TRIP6: variants seen among roughly 807,000 people sequenced by gnomAD.
The protein encoded by TRIP6 is thyroid hormone receptor interactor 6.
A neutral mutation model predicts 51.9 loss-of-function variants in TRIP6; 33 were observed. The observed-to-expected ratio is 0.64, with a 90% CI of 0.48 to 0.85. TRIP6 has a LOEUF of 0.85. Among genes scored for constraint, TRIP6 ranks in the 40% least tolerant of loss-of-function variants. The pLI, the probability that TRIP6 is intolerant of heterozygous loss-of-function variation, is 0.00. For missense variants in TRIP6, 661 were observed against 652.1 expected, an observed-to-expected ratio of 1.01 and a Z score of -0.15; for synonymous variants, 255 against 275.8, an observed-to-expected ratio of 0.92 and a Z score of 0.75.
Position 100,872,535 on chromosome 7 carries a change from C to T in TRIP6, c.1179-89C>T, listed in dbSNP as rs531722008. On this transcript the variant is annotated intron_variant, in intron 7 of 8. Coordinates refer to ENST00000200457, the MANE Select transcript of TRIP6 (RefSeq NM_003302.3). The stretch of plus-strand genomic sequence containing the variant: ...GGCCATACCTCTGGCCTCTCTGATT[C>T]CCTCCTGTGCCCCACCTTCTCTGGG... The T allele has an allele frequency of 1.6e-4, 258 of 1,567,790 alleles. No individual in the cohort carries two copies. The African/African-American group carries it at 3.1e-3, about 19-fold the overall frequency.
In TRIP6 at chr7:100,870,746, G is replaced by A. The variant is rs367843229; in HGVS notation, c.999+3G>A. ...CATATTGCGAGGGCTGCTACGTGGTGAGTGGCTGGGGCTGGGAGGAGGGAG... is the reference window on the plus strand; with the variant it reads ...CATATTGCGAGGGCTGCTACGTGGTAAGTGGCTGGGGCTGGGAGGAGGGAG... On this transcript the variant is annotated splice_donor_region_variant and intron_variant, in intron 6 of 8. Transcript: ENST00000200457. The A allele has an allele frequency of 5.6e-6, 9 of 1,609,124 alleles. No individual in the cohort carries two copies. The African/African-American group carries it at 1.2e-4, about 21-fold the overall frequency.
intron 4 of TRIP6, among the ~76,000 whole-genome samples, chr7:100,870,063 T>C (rs1265054805): frequency 6.6e-6 from 1 of 152,158 alleles, no homozygotes. Context: ...TGGGAGACAG[T>C]GACAGATCAT....
In TRIP6 at chr7:100,867,467, G is replaced by T; in HGVS notation, c.-31G>T. On this transcript the variant is annotated 5_prime_UTR_variant, in exon 1 of 9. Coordinates refer to ENST00000200457, the MANE Select transcript of TRIP6 (RefSeq NM_003302.3). The surrounding 1 kb of genome is among the most constrained non-coding windows in gnomAD (Gnocchi z 5.4). Reference sequence around the variant, plus strand: ...GAAGGCCAGAGGCTCGGGGCTTCAAGACCGCTGTCTGGAGTCCCCCTTTCC... The same window carrying T: ...GAAGGCCAGAGGCTCGGGGCTTCAATACCGCTGTCTGGAGTCCCCCTTTCC... 7.1e-7 allele frequency: 1 copy of T among 1,410,120 alleles called. No individual in the cohort carries two copies. Among genetic ancestry groups the T allele is most frequent in the South Asian group, 1.5e-5 (1 of 68,024 alleles). The allele number at this position is 1,410,120 out of a possible 1,614,324, so 87.4% of individuals were successfully genotyped here.
At position 100,868,128 on chromosome 7, in the gene TRIP6, G is replaced by C. The variant is rs1815184858; in HGVS notation, c.258G>C (p.Gly86=). ...QHTQGLPADR[G]GLRPGSLDAE... ...CTCAGGGGCTCCCTGCAGACAGGGG[G>C]GGCCTTCGCCCTGGAAGCCTGGACG... Residue 86 remains glycine (G), a synonymous_variant, in exon 3 of 9, where the codon GGG becomes GGC. Coordinates refer to ENST00000200457, the MANE Select transcript of TRIP6 (RefSeq NM_003302.3). 1.9e-6 allele frequency: 3 copies of C among 1,612,416 alleles called. No homozygotes were observed. Among genetic ancestry groups the C allele is most frequent in the Non-Finnish European group, 2.5e-6 (3 of 1,179,544 alleles).
In TRIP6 at chr7:100,868,211, C is replaced by A. The variant is rs371631775; in HGVS notation, c.341C>A (p.Ala114Glu). The A allele has an allele frequency of 6.2e-7, 1 of 1,608,296 alleles. No homozygotes were observed. The highest frequency in any genetic ancestry group is 8.5e-7 in the Non-Finnish European group (1 of 1,177,220). ...GAGCTGAATGGGGGTCGGGGTCATGCGTCACGGCGACCAGACCGACAGGTG... is the reference window on the plus strand; with the variant it reads ...GAGCTGAATGGGGGTCGGGGTCATGAGTCACGGCGACCAGACCGACAGGTG... ...LAELNGGRGH[A>E]SRRPDRQAYE... is the part of the protein sequence containing the mutation. The change falls in exon 3 of 9, where the codon GCG (alanine) becomes GAG (glutamate). Residue 114 changes from alanine (A) to glutamate (E), a missense_variant. Ala to Glu is a moderately radical substitution (Grantham distance 107). Coordinates refer to ENST00000200457, the MANE Select transcript of TRIP6 (RefSeq NM_003302.3).
rs376089873 is a variant in TRIP6 at position 100,871,720 on chromosome 7, A to G, written c.1177A>G (p.Arg393Gly). 1.4e-5 allele frequency: 22 copies of G among 1,613,232 alleles called. No individual in the cohort carries two copies. Among genetic ancestry groups the G allele is most frequent in the Non-Finnish European group, 1.7e-5 (20 of 1,179,646 alleles). The change falls in exon 7 of 9, where the codon AGG becomes GGG. Residue 393 changes from arginine to glycine, a missense_variant and splice_region_variant. Transcript: ENST00000200457. The stretch of plus-strand genomic sequence containing the variant: ...GATCCACTGCATTGAGGACTTTCAC[A>G]GGTCAGGCCTGGCCTCCACCTTGTC... ...SQIHCIEDFH[R>G]KFAPRCSVCG... is the part of the protein sequence containing the mutation.
intron 8 of TRIP6, 31 bp from the exon 9 acceptor site, chr7:100,873,141 G>T (rs567439695): frequency 6.3e-7 from 1 of 1,597,888 alleles, no homozygotes. Flanking sequence ...GAGCCATCGC[G>T]CCCGGCCAAT....
In TRIP6 at chr7:100,872,716, G is replaced by A. The variant is rs754599694; in HGVS notation, c.1271G>A (p.Ser424Asn). The change falls in exon 8 of 9, where the codon AGT becomes AAT. Residue 424 changes from serine (S) to asparagine (N), a missense_variant. Coordinates refer to ENST00000200457, the MANE Select transcript of TRIP6 (RefSeq NM_003302.3). ...GTGAGAATTGTTGCTCTGGATCGAA[G>A]TTTTCACATTGGCTGTTACAAGTGC... ...ETVRIVALDR[S>N]FHIGCYKCEE... 2.5e-6 allele frequency: 4 copies of A among 1,614,170 alleles called. No individual in the cohort carries two copies. In the South Asian group the frequency reaches 4.4e-5, roughly 18 times the overall value.
rs779826516 is a variant in TRIP6, at chr7:100,868,525, C to T, written c.394C>T (p.Arg132Cys). ...AYEPPPPPAY[R>C]TGSLKPNPAS... ...TGAGCCCCCGCCACCTCCTGCCTAC[C>T]GCACGGGCTCCCTGAAGCCAAATCC... The change falls in exon 4 of 9, where the codon CGC (arginine) becomes TGC (cysteine). Residue 132 changes from arginine to cysteine, a missense_variant. Coordinates refer to ENST00000200457, the MANE Select transcript of TRIP6 (RefSeq NM_003302.3). 72 of 1,612,966 alleles carry T rather than the reference C, an allele frequency of 4.5e-5. 1 individual carries two copies. The highest frequency in any genetic ancestry group is 1.9e-4 in the South Asian group (17 of 91,086).
Position 100,873,451 on chromosome 7 carries a change from A to G in TRIP6, c.*148A>G, listed in dbSNP as rs1815325620. The G allele has an allele frequency of 1.1e-5, 13 of 1,225,748 alleles. No homozygotes were observed. The South Asian group carries it at 2.0e-4, about 19-fold the overall frequency. 75.9% of individuals were successfully genotyped at this position (1,225,748 alleles called of 1,614,324 possible). On this transcript the variant is annotated 3_prime_UTR_variant, in exon 9 of 9. Transcript: ENST00000200457. The stretch of plus-strand genomic sequence containing the variant: ...AAATAATAATCCCTCGAGTTTACAA[A>G]ACACTTCCAAGTCTGTTGTCTCATC...
Position 100,867,695 on chromosome 7 carries a change from C to G in TRIP6, c.109+89C>G. The G allele has an allele frequency of 6.5e-7, 1 of 1,544,164 alleles. No homozygotes were observed. The highest frequency in any genetic ancestry group is 1.9e-5 in the Admixed American group (1 of 51,808). On this transcript the variant is annotated intron_variant, in intron 1 of 8. Coordinates refer to ENST00000200457, the MANE Select transcript of TRIP6 (RefSeq NM_003302.3). The surrounding 1 kb of genome is among the most constrained non-coding windows in gnomAD (Gnocchi z 5.4). ...TCCAGCCTCCCGCCCTGGCTGCTTCCTCCTGCCCCTTCCCCAAGCCGAGGC... is the reference window on the plus strand; with the variant it reads ...TCCAGCCTCCCGCCCTGGCTGCTTCGTCCTGCCCCTTCCCCAAGCCGAGGC...
At chr7:100,872,181 G>GTTTTTTTTTTGT (rs1815288749) in intron 7 of TRIP6, among the ~76,000 whole-genome samples, 1 of 95,592 alleles carries the variant, frequency 1.0e-5, no homozygotes, top group Admixed American at 1.5e-4. Flanking sequence ...CGCCTGGCTA[G>GTTTTTTTTTTGT]TTTTTTTTTT....
At position 100,873,191 on chromosome 7, in the gene TRIP6, CCT is replaced by C; in HGVS notation, c.1322_1323del (p.Ser441Ter). The C allele has an allele frequency of 6.2e-7, 1 of 1,613,166 alleles. No individual in the cohort carries two copies. Among genetic ancestry groups the C allele is most frequent in the Non-Finnish European group, 8.5e-7 (1 of 1,179,558 alleles). On this transcript the variant is annotated frameshift_variant, in exon 9 of 9. Coordinates refer to ENST00000200457, the MANE Select transcript of TRIP6 (RefSeq NM_003302.3). LOFTEE classifies it high-confidence loss of function. ...CAACAGGAGTGTGGGCTGCTGCTCT[CCT>C]CTGAGGGCGAGTGTCAGGGCTGCTA... is the stretch of plus-strand genomic sequence containing the variant.
rs1305494071 is a variant in TRIP6 at position 100,871,708 on chromosome 7, G to A, written c.1165G>A (p.Glu389Lys). The A allele has an allele frequency of 1.2e-6, 2 of 1,613,934 alleles. No individual in the cohort carries two copies. The highest frequency in any genetic ancestry group is 2.2e-5 in the South Asian group (2 of 91,086). ...VDATSQIHCI[E>K]DFHRKFAPRC... is the part of the protein sequence containing the mutation. ...TGCTACGAGCCAGATCCACTGCATT[G>A]AGGACTTTCACAGGTCAGGCCTGGC... Residue 389 changes from glutamate (E) to lysine (K), a missense_variant, in exon 7 of 9, where the codon GAG (glutamate) becomes AAG (lysine). By Grantham distance (56) the Glu-to-Lys change is moderately conservative (BLOSUM62 1). Transcript: ENST00000200457.
rs73396640 is a variant in TRIP6, at chr7:100,873,372, C to T, written c.*69C>T. On this transcript the variant is annotated 3_prime_UTR_variant, in exon 9 of 9. Coordinates refer to ENST00000200457, the MANE Select transcript of TRIP6 (RefSeq NM_003302.3). Reference sequence around the variant, plus strand: ...TCCTTTGATTGATCACTCTCCCTGACATCCACCTGTATGACTTTGTCACCA... The same window carrying T: ...TCCTTTGATTGATCACTCTCCCTGATATCCACCTGTATGACTTTGTCACCA... 9.0e-4 allele frequency: 1,389 copies of T among 1,536,394 alleles called. 13 individuals are homozygous for T. In the African/African-American group the frequency reaches 0.017, roughly 19 times the overall value.
rs751195544 is a variant in TRIP6 at position 100,867,532 on chromosome 7, C to G, written c.35C>G (p.Pro12Arg). ...SGPTWLPPKQ[P>R]EPARAPQGRA... is the part of the protein sequence containing the mutation. ...CCCACCTGGCTGCCCCCGAAGCAGC[C>G]GGAGCCCGCCAGAGCCCCTCAGGGG... The change falls in exon 1 of 9, where the codon CCG becomes CGG. Residue 12 changes from proline to arginine, a missense_variant. Coordinates refer to ENST00000200457, the MANE Select transcript of TRIP6 (RefSeq NM_003302.3). The surrounding 1 kb of genome is among the most constrained non-coding windows in gnomAD (Gnocchi z 5.4). The G allele has an allele frequency of 8.7e-5, 132 of 1,520,824 alleles. No individual in the cohort carries two copies. The highest frequency in any genetic ancestry group is 1.1e-4 in the Non-Finnish European group (128 of 1,136,698). The allele number at this position is 1,520,824 out of a possible 1,614,324, so 94.2% of individuals were successfully genotyped here.
Position 100,867,599 on chromosome 7 carries a change from C to T in TRIP6, c.102C>T (p.His34=), listed in dbSNP as rs749100653. ...GCACCCCGGGGCCACCACCGGCCCA[C>T]GGAGCAGGTAAGGCAGCCCTTGTGA... ...PRGTPGPPPA[H]GAALQPHPRV... Residue 34 remains histidine, a synonymous_variant, in exon 1 of 9, where the codon CAC becomes CAT. Transcript: ENST00000200457. This position sits in a 1 kb window ranked among gnomAD's most constrained non-coding sequence, Gnocchi z 5.4. 2.6e-6 allele frequency: 4 copies of T among 1,540,196 alleles called. No individual in the cohort carries two copies. The highest frequency in any genetic ancestry group is 1.2e-5 in the South Asian group (1 of 84,540).
At chr7:100,871,135 A>G (rs1815260261) in intron 6 of TRIP6, 1 of 488,638 alleles carries the variant, frequency 2.0e-6, no homozygotes. Context: ...CCCTGGTTCA[A>G]GCGATTCTCA....
intron 4 of TRIP6, 78 bp downstream of exon 4, chr7:100,868,944 A>G (rs747651823): frequency 6.4e-6 from 9 of 1,411,422 alleles, no homozygotes; most frequent in Non-Finnish European, 8.3e-6. Flanking sequence ...GTGGTGTTTT[A>G]GGGGGCTTTT....
Sources: allele counts gnomAD v4.1 joint callset (sites outside exome capture counted in the v4.1 genomes callset), GRCh38; gene constraint gnomAD v4.1.1; non-coding constraint Gnocchi (gnomAD v3.1); transcripts MANE v1.5; gene names NCBI Gene and HGNC (gene_info 2026-07-23, HGNC 2026-07-21).